Variants in CRYGD observed in about 807,000 individuals in gnomAD.
The protein encoded by CRYGD is crystallin gamma D.
A neutral mutation model predicts 11.3 loss-of-function variants in CRYGD; 13 were observed. The ratio of observed to expected loss-of-function variants is 1.15; its 90% CI spans 0.75 to 1.83. The LOEUF (loss-of-function observed/expected upper bound fraction) is 1.83, where lower values mean the gene tolerates loss of function less well. CRYGD is among the 40% of genes most tolerant of loss of function. The probability of loss-of-function intolerance (pLI) is 0.00; values close to 1 mark genes in which losing one functional copy is unlikely to be tolerated. For synonymous variants in CRYGD, 77 were observed against 89.5 expected (o/e 0.86, Z 0.79); for missense variants, 231 against 229.9 (o/e 1.00, Z -0.03).
intron 2 of CRYGD, 35 bp downstream of exon 2, chr2:208,124,077 T>C (rs768696918): frequency 1.9e-6 from 3 of 1,611,470 alleles, no homozygotes; most frequent in Non-Finnish European, 2.5e-6. Flanking sequence ...GTGAGTGTCC[T>C]GAGGGCCTGG....
rs968088965 is a variant in CRYGD at position 208,121,658 on chromosome 2, A to G, written c.*15T>C. 1.9e-6 allele frequency: 3 copies of G among 1,611,156 alleles called. No individual in the cohort carries two copies. Among genetic ancestry groups the G allele is most frequent in the Non-Finnish European group, 2.5e-6 (3 of 1,178,362 alleles). The stretch of plus-strand genomic sequence containing the variant: ...ATTAGTTTCCAAATTAAGAAACAAC[A>G]AAAGAGGACATATTTCAGGAGAAAT... On this transcript the variant is annotated 3_prime_UTR_variant, in exon 3 of 3. Coordinates refer to ENST00000264376, the MANE Select transcript of CRYGD (RefSeq NM_006891.4).
In CRYGD at chr2:208,124,040, T is replaced by G. The variant is rs1444979739; in HGVS notation, c.252+72A>C. On this transcript the variant is annotated intron_variant, in intron 2 of 2. Coordinates refer to ENST00000264376, the MANE Select transcript of CRYGD (RefSeq NM_006891.4). ...TATTGTGACTGATCACTACTTCTAA[T>G]GTTTAACTTTTGCTTGAAACCATCC... 3 of 1,602,878 alleles carry G rather than the reference T, an allele frequency of 1.9e-6. No homozygotes were observed. In the African/African-American group the frequency reaches 4.0e-5, roughly 21 times the overall value.
Position 208,124,209 on chromosome 2 carries a change from G to A in CRYGD, c.155C>T (p.Ser52Leu). ...GCGGCGCAGGAAGTACTGGAGGCCC[G>A]AGTAGTTGGGCTGCTCATAGAGCAT... ...CWMLYEQPNY[S>L]GLQYFLRRGD... Residue 52 changes from serine (S) to leucine (L), a missense_variant, in exon 2 of 3, where the codon TCG becomes TTG. Physicochemically the swap from Ser to Leu is moderately radical, Grantham distance 145. Transcript: ENST00000264376. 1 of 1,611,930 alleles carries A rather than the reference G, an allele frequency of 6.2e-7. No homozygotes were observed. The highest frequency in any genetic ancestry group is 8.5e-7 in the Non-Finnish European group (1 of 1,179,812).
chr2:208,122,770 T>C (rs1474055894), intron 2 of CRYGD, among the ~76,000 whole-genome samples: 1 of 150,778 alleles, frequency 6.6e-6, no homozygotes, highest in African/African-American at 2.4e-5. Flanking sequence ...AGAAAATTGC[T>C]AGGGCCCAGG....
Position 208,121,938 on chromosome 2 carries a change from G to C in CRYGD, c.260C>G (p.Ser87Cys). The C allele has an allele frequency of 6.2e-7, 1 of 1,614,148 alleles. No individual in the cohort carries two copies. The highest frequency in any genetic ancestry group is 8.5e-7 in the Non-Finnish European group (1 of 1,180,028). Residue 87 changes from serine (S) to cysteine (C), a missense_variant, in exon 3 of 3, where the codon TCT becomes TGT. Ser to Cys is a moderately radical substitution (Grantham distance 112, BLOSUM62 -1). Coordinates refer to ENST00000264376, the MANE Select transcript of CRYGD (RefSeq NM_006891.4). ...RSCRLIPHSG[S>C]HRIRLYERED... ...TCTCTCATAGAGTCTGATCCTGTGA[G>C]AGCCAGACTGGCGGACCCAGAAATA...
chr2:208,122,322 AAT>A (rs1335688988), intron 2 of CRYGD, among the ~76,000 whole-genome samples: 1 of 148,960 alleles, frequency 6.7e-6, no homozygotes, highest in Non-Finnish European at 1.5e-5. Flanking sequence ...ATTATAAAGA[AAT>A]ATATTTAAAT....
intron 2 of CRYGD, among the ~76,000 whole-genome samples, chr2:208,122,438 AATC>A (rs1377823521): frequency 6.1e-5 from 9 of 147,810 alleles, no homozygotes; most frequent in African/African-American, 2.2e-4. Flanking sequence ...ATTTAAAGTT[AATC>A]ATATTTTATT....
In CRYGD at chr2:208,121,920, T is replaced by TA. The variant is rs1694873097; in HGVS notation, c.277dup (p.Tyr93LeufsTer2). 1 of 1,614,108 alleles carries TA rather than the reference T, an allele frequency of 6.2e-7. No individual in the cohort carries two copies. Among genetic ancestry groups the TA allele is most frequent in the African/African-American group, 1.3e-5 (1 of 75,018 alleles). ...CTGGCCTCTGTAGTCCTCTCTCTCA[T>TA]AGAGTCTGATCCTGTGAGAGCCAGA... On this transcript the variant is annotated frameshift_variant, in exon 3 of 3. Transcript: ENST00000264376. LOFTEE classifies it low-confidence loss of function (END_TRUNC).
At chr2:208,122,032 C>G in intron 2 of CRYGD, 87 bp from the exon 3 acceptor site, 1 of 1,586,598 alleles carries the variant, frequency 6.3e-7, no homozygotes, top group African/African-American at 1.3e-5. Context: ...GGTGAGGACC[C>G]GCTCAAGCCA....
chr2:208,122,033 G>T, intron 2 of CRYGD, 88 bp from the exon 3 acceptor site: 1 of 1,582,356 alleles, frequency 6.3e-7, no homozygotes. Flanking sequence ...GTGAGGACCC[G>T]CTCAAGCCAT....
chr2:208,123,982 T>A, intron 2 of CRYGD, 130 bp downstream of exon 2: 1 of 1,357,506 alleles, frequency 7.4e-7, no homozygotes, highest in Non-Finnish European at 1.0e-6. Flanking sequence ...ATTGACTTAA[T>A]CCACTATAGT....
At chr2:208,122,616 AC>A (rs1190740717) in intron 2 of CRYGD, among the ~76,000 whole-genome samples, 4 of 150,452 alleles carry the variant, frequency 2.7e-5, no homozygotes, top group African/African-American at 7.3e-5. Flanking sequence ...TAGTCCCAGC[AC>A]CCTGGGAAGC....
intron 2 of CRYGD, among the ~76,000 whole-genome samples, chr2:208,123,780 G>A (rs548784424): frequency 6.6e-6 from 1 of 152,300 alleles, no homozygotes; most frequent in South Asian, 2.1e-4. Context: ...ACTGCTGTAC[G>A]CTCTAGCATT....
At position 208,121,684 on chromosome 2, in the gene CRYGD, C is replaced by G; in HGVS notation, c.514G>C (p.Asp172His). 6.2e-7 allele frequency: 1 copy of G among 1,613,412 alleles called. No individual in the cohort carries two copies. Among genetic ancestry groups the G allele is most frequent in the Non-Finnish European group, 8.5e-7 (1 of 1,179,582 alleles). ...AAAGAGGACATATTTCAGGAGAAATCTATGACTCTCCTCAGAGAGCCCACT... is the reference window on the plus strand; with the variant it reads ...AAAGAGGACATATTTCAGGAGAAATGTATGACTCTCCTCAGAGAGCCCACT... The part of the protein sequence containing the change: ...ARVGSLRRVI[D>H]FS Residue 172 changes from aspartate (D) to histidine (H), a missense_variant, in exon 3 of 3, where the codon GAT becomes CAT. Asp to His is a moderately conservative substitution (Grantham distance 81, BLOSUM62 -1). Transcript: ENST00000264376.
At chr2:208,124,031 T>C (rs1694924261) in intron 2 of CRYGD, 81 bp downstream of exon 2, 5 of 1,593,626 alleles carry the variant, frequency 3.1e-6, no homozygotes, top group Admixed American at 1.7e-5. Flanking sequence ...GACTGATCAC[T>C]ACTTCTAATG....
chr2:208,123,386 TA>T (rs1039999138), intron 2 of CRYGD, among the ~76,000 whole-genome samples: 16 of 147,444 alleles, frequency 1.1e-4, no homozygotes, highest in African/African-American at 3.9e-4. Context: ...ATCAATGACA[TA>T]AATAAAATAT....
intron 2 of CRYGD, among the ~76,000 whole-genome samples, chr2:208,122,954 G>A (rs1241679489): frequency 6.7e-6 from 1 of 150,094 alleles, no homozygotes; most frequent in Non-Finnish European, 1.5e-5. Flanking sequence ...AGCTACTCAG[G>A]AGACTGAGAG....
intron 2 of CRYGD, 60 bp from the exon 3 acceptor site, chr2:208,122,005 G>A: frequency 6.2e-7 from 1 of 1,610,380 alleles, no homozygotes. Flanking sequence ...CCAATGCATT[G>A]TTAGGCAGTC....
intron 2 of CRYGD, among the ~76,000 whole-genome samples, chr2:208,123,213 A>G (rs1449619891): frequency 6.8e-6 from 1 of 147,246 alleles, no homozygotes; most frequent in Admixed American, 6.8e-5. Flanking sequence ...TATATTAAAT[A>G]CATATTTATT....
Sources: gnomAD v4.1 joint callset for allele counts (sites outside exome capture counted in the v4.1 genomes callset) on GRCh38, gnomAD v4.1.1 for gene constraint, MANE v1.5 for transcripts, NCBI Gene and HGNC (gene_info 2026-07-23, HGNC 2026-07-21) for gene names.